Variants in HCN1 observed in about 807,000 individuals in gnomAD.
HCN1 encodes the protein potassium/sodium hyperpolarization-activated cyclic nucleotide-gated channel 1.
In HCN1, 13 loss-of-function variants were observed where a neutral mutation model predicts 78.9. That is an observed-to-expected ratio of 0.16 (90% CI 0.11 to 0.26). The LOEUF is 0.26. Ranked by LOEUF, HCN1 falls within the 10% of genes least tolerant of loss-of-function variation. The pLI is 1.00. For missense variants in HCN1, 810 were observed against 1,154.3 expected, an observed-to-expected ratio of 0.70 and a Z score of 4.32; for synonymous variants, 552 against 455.5, an observed-to-expected ratio of 1.21 and a Z score of -2.70.
In HCN1 at chr5:45,540,632, T is replaced by A. The variant is rs140692683; in HGVS notation, c.850-78625A>T. Among the ~76,000 whole-genome samples the A allele has an allele frequency of 1.8e-3, 270 of 152,282 alleles. 1 individual carries two copies. Among genetic ancestry groups the A allele is most frequent in the African/African-American group, 6.2e-3 (259 of 41,568 alleles). ...GGCAGGAGCCACCATGCCTAGCAGATTTTTTACAATTGAATTTCTATAATT... is the reference window on the plus strand; with the variant it reads ...GGCAGGAGCCACCATGCCTAGCAGAATTTTTACAATTGAATTTCTATAATT... On this transcript the variant is annotated intron_variant, in intron 2 of 7. Transcript: ENST00000303230.
At chr5:45,546,850 T>C (rs1652951957) in intron 2 of HCN1, among the ~76,000 whole-genome samples, 1 of 151,882 alleles carries the variant, frequency 6.6e-6, no homozygotes, top group East Asian at 1.9e-4. Flanking sequence ...CAGAAACAAG[T>C]TGTTTTCACG....
intron 3 of HCN1, among the ~76,000 whole-genome samples, chr5:45,406,852 G>A (rs1286187527): frequency 6.6e-6 from 1 of 152,162 alleles, no homozygotes; most frequent in African/African-American, 2.4e-5. Context: ...TGGAGAGTGT[G>A]AGGTCAGTGA....
intron 5 of HCN1, among the ~76,000 whole-genome samples, chr5:45,341,509 T>C (rs1315754096): frequency 6.6e-6 from 1 of 152,170 alleles, no homozygotes; most frequent in Non-Finnish European, 1.5e-5. Context: ...TAACTGGAGA[T>C]AAAACATGGC....
intron 3 of HCN1, among the ~76,000 whole-genome samples, chr5:45,398,729 G>A (rs1348973156): frequency 6.6e-6 from 1 of 151,130 alleles, no homozygotes; most frequent in African/African-American, 2.5e-5. Context: ...TAGTTACAAA[G>A]AAAGTTTAAT....
At chr5:45,340,226 G>A (rs1178641805) in intron 5 of HCN1, among the ~76,000 whole-genome samples, 1 of 152,136 alleles carries the variant, frequency 6.6e-6, no homozygotes, top group Admixed American at 6.5e-5. Context: ...CGGCTGGGAA[G>A]AATAGTTAAT....
At chr5:45,309,868 T>C (rs997414208) in intron 5 of HCN1, among the ~76,000 whole-genome samples, 2 of 152,158 alleles carry the variant, frequency 1.3e-5, no homozygotes, top group African/African-American at 4.8e-5. Context: ...ATCAGGATGA[T>C]GCTTCCCTCA....
At chr5:45,513,263 A>C (rs1317013206) in intron 2 of HCN1, among the ~76,000 whole-genome samples, 2 of 152,194 alleles carry the variant, frequency 1.3e-5, no homozygotes, top group East Asian at 3.9e-4. Flanking sequence ...TTATGATAAA[A>C]CAAAAGGTAA....
At chr5:45,568,594 T>TA (rs1211838318) in intron 2 of HCN1, among the ~76,000 whole-genome samples, 1 of 152,032 alleles carries the variant, frequency 6.6e-6, no homozygotes, top group African/African-American at 2.4e-5. Context: ...TAAATGTTAA[T>TA]GACTGTTATT....
chr5:45,656,477 C>A lies in HCN1; in HGVS notation c.426-10869G>T, dbSNP rs547100059. Among the ~76,000 whole-genome samples the A allele has an allele frequency of 1.1e-4, 16 of 152,286 alleles. No individual in the cohort carries two copies. In the South Asian group the frequency reaches 3.3e-3, roughly 32 times the overall value. On this transcript the variant is annotated intron_variant, in intron 1 of 7. Transcript: ENST00000303230. Reference sequence around the variant, plus strand: ...AACACTGCAAACATTCATTGAGCAGCAAACATAGTGCTAGTCCATGGGTTG... The same window carrying A: ...AACACTGCAAACATTCATTGAGCAGAAAACATAGTGCTAGTCCATGGGTTG...
chr5:45,522,707 T>A (rs1742640397), intron 2 of HCN1, among the ~76,000 whole-genome samples: 1 of 151,898 alleles, frequency 6.6e-6, no homozygotes, highest in African/African-American at 2.4e-5. Flanking sequence ...AACTCTGCTT[T>A]GAATTGACAA....
At position 45,642,533 on chromosome 5, in the gene HCN1, G is replaced by A. The variant is rs1441523536; in HGVS notation, c.849+2652C>T. On this transcript the variant is annotated intron_variant, in intron 2 of 7. Transcript: ENST00000303230. The stretch of plus-strand genomic sequence containing the variant: ...GCTTTCCTCAGGAATGATTCATTTA[G>A]AACAGTGGCAGCTTCCAGACTTCAC... 5.3e-5 allele frequency: 8 copies of A among 152,112 alleles called. 1 individual carries two copies. The South Asian group carries it at 1.5e-3, about 28-fold the overall frequency. 9.4% of individuals were successfully genotyped at this position (152,112 alleles called of 1,614,324 possible).
At chr5:45,400,344 C>T (rs1441421687) in intron 3 of HCN1, among the ~76,000 whole-genome samples, 6 of 150,552 alleles carry the variant, frequency 4.0e-5, no homozygotes, top group African/African-American at 1.5e-4. Context: ...AAACACACAC[C>T]TGTGTATACA....
At chr5:45,649,183 C>T (rs1326076448) in intron 1 of HCN1, among the ~76,000 whole-genome samples, 2 of 151,996 alleles carry the variant, frequency 1.3e-5, no homozygotes, top group African/African-American at 2.4e-5. Flanking sequence ...CTACTTCTCC[C>T]TCAAATCCCA....
chr5:45,517,471 G>A (rs546008255), intron 2 of HCN1, among the ~76,000 whole-genome samples: 1 of 136,928 alleles, frequency 7.3e-6, no homozygotes, highest in South Asian at 2.3e-4. Context: ...TTATCACATA[G>A]CCTCAAATCT....
At chr5:45,512,737 T>A (rs988399771) in intron 2 of HCN1, among the ~76,000 whole-genome samples, 3 of 152,052 alleles carry the variant, frequency 2.0e-5, no homozygotes, top group African/African-American at 7.2e-5. Flanking sequence ...ACACTCTGAA[T>A]CATACAGAGG....
chr5:45,309,058 C>A (rs1270788070), intron 5 of HCN1, among the ~76,000 whole-genome samples: 2 of 151,928 alleles, frequency 1.3e-5, no homozygotes, highest in African/African-American at 4.8e-5. Flanking sequence ...GTGGTTTGTA[C>A]TATCCTTTTA....
intron 3 of HCN1, among the ~76,000 whole-genome samples, chr5:45,401,509 A>T (rs192831918): frequency 6.6e-6 from 1 of 152,250 alleles, no homozygotes; most frequent in African/African-American, 2.4e-5. Flanking sequence ...TAGGAAAATT[A>T]AATCTGTAAG....
chr5:45,454,421 T>C (rs2111607175), intron 3 of HCN1, among the ~76,000 whole-genome samples: 1 of 151,856 alleles, frequency 6.6e-6, no homozygotes, highest in South Asian at 2.1e-4. Context: ...CGAAGGCATT[T>C]TTTTTTCCAG....
At chr5:45,372,107 TA>T (rs1460389674) in intron 4 of HCN1, among the ~76,000 whole-genome samples, 14 of 62,596 alleles carry the variant, frequency 2.2e-4, no homozygotes, top group East Asian at 1.3e-3. Flanking sequence ...ATTTTATATA[TA>T]ATATAATTAT....
Sources: gnomAD v4.1 joint callset for allele counts (sites outside exome capture counted in the v4.1 genomes callset) on GRCh38, gnomAD v4.1.1 for gene constraint, MANE v1.5 for transcripts, NCBI Gene and HGNC (gene_info 2026-07-23, HGNC 2026-07-21) for gene names.